Variants in GDAP1 observed in about 807,000 individuals in gnomAD.
GDAP1 encodes ganglioside induced differentiation associated protein 1, also known as ganglioside-induced differentiation-associated protein 1.
GDAP1 carries 34 observed loss-of-function variants against 40.1 expected under a neutral mutation model. That is an observed-to-expected ratio of 0.85 (90% CI 0.64 to 1.13). GDAP1 has a LOEUF of 1.13. Among genes scored for constraint, GDAP1 ranks in the 50% most tolerant of loss-of-function variants. The pLI, the probability that GDAP1 is intolerant of heterozygous loss-of-function variation, is 0.00. For synonymous variants in GDAP1, 170 were observed against 157.4 expected (o/e 1.08, Z -0.60); for missense variants, 374 against 433.7 (o/e 0.86, Z 1.22).
chr8:74,364,995 A>C lies in GDAP1; in HGVS notation c.*628A>C, dbSNP rs773816979. The C allele has an allele frequency of 2.9e-5, 13 of 454,014 alleles. No homozygotes were observed. Among genetic ancestry groups the C allele is most frequent in the African/African-American group, 2.6e-4 (13 of 50,022 alleles). The allele number at this position is 454,014 out of a possible 1,614,324, so 28.1% of individuals were successfully genotyped here. On this transcript the variant is annotated 3_prime_UTR_variant, in exon 6 of 6. Transcript: ENST00000220822. ...CCATTTCAGATGGTCCGCAATTTGA[A>C]TTACCAAGTGGTAATGGTTCCTTAC...
At chr8:74,486,880 A>G (rs1806782510) in intron 2 of GDAP1, among the ~76,000 whole-genome samples, 1 of 152,140 alleles carries the variant, frequency 6.6e-6, no homozygotes, top group African/African-American at 2.4e-5. Context: ...TTTCATTGTG[A>G]ATTATGTCAG....
At chr8:74,369,766 CATT>C (rs1260670121), downstream of GDAP1, among the ~76,000 whole-genome samples, 1 of 151,528 alleles carries the variant, frequency 6.6e-6, no homozygotes, top group Non-Finnish European at 1.5e-5. Flanking sequence ...GTAGGCATAT[CATT>C]GTCAGACCGC....
At chr8:74,371,773 TA>T (rs1239381655), downstream of GDAP1, among the ~76,000 whole-genome samples, 1 of 116,990 alleles carries the variant, frequency 8.5e-6, no homozygotes, top group Non-Finnish European at 2.0e-5. Context: ...AAAAATTTTT[TA>T]TTTTTTTTTA....
At chr8:74,400,852 C>G (rs10091719) in intron 2 of GDAP1, among the ~76,000 whole-genome samples, 1 of 146,658 alleles carries the variant, frequency 6.8e-6, no homozygotes, top group Non-Finnish European at 1.5e-5. Flanking sequence ...GTTGAAAATT[C>G]TTTTCTTTAA....
chr8:74,470,520 T>TG (rs1400781203), intron 2 of GDAP1, among the ~76,000 whole-genome samples: 10 of 152,180 alleles, frequency 6.6e-5, no homozygotes, highest in African/African-American at 2.4e-4. Flanking sequence ...TTTTTGTCCT[T>TG]GCGATAGTTT....
chr8:74,353,662 G>T (rs1051974709), intron 2 of GDAP1, among the ~76,000 whole-genome samples: 5 of 152,130 alleles, frequency 3.3e-5, no homozygotes, highest in African/African-American at 9.7e-5. Context: ...AGCAGCATTG[G>T]TGTCACCTGG....
chr8:74,432,614 C>T (rs1181471915), intron 2 of GDAP1, among the ~76,000 whole-genome samples: 1 of 152,150 alleles, frequency 6.6e-6, no homozygotes, highest in Non-Finnish European at 1.5e-5. Context: ...CTTGACTGAG[C>T]TGCTCCTGTG....
intron 2 of GDAP1, among the ~76,000 whole-genome samples, chr8:74,352,097 T>C (rs4738450): frequency 0.19 from 28,606 of 152,224 alleles, 2,963 homozygotes; most frequent in Admixed American, 0.31. Context: ...ATTCCCATTA[T>C]GTAAATGAGG....
In GDAP1 at chr8:74,440,446, C is replaced by T. The variant is rs187711559; in HGVS notation, c.166-48232C>T. 3.3e-5 allele frequency among the ~76,000 whole-genome samples: 5 copies of T among 152,216 alleles called. No individual in the cohort carries two copies. In the East Asian group the frequency reaches 5.8e-4, roughly 18 times the overall value. ...TTCTCTGAAGGTATATCTCTTCCACCGTGAGTTCCTGATTTGCACTAAGGA... is the reference window on the plus strand; with the variant it reads ...TTCTCTGAAGGTATATCTCTTCCACTGTGAGTTCCTGATTTGCACTAAGGA... On this transcript the variant is annotated intron_variant, in intron 2 of 2. Transcript: ENST00000523640.
chr8:74,418,626 G>A (rs763159058), intron 2 of GDAP1, among the ~76,000 whole-genome samples: 37 of 152,262 alleles, frequency 2.4e-4, no homozygotes, highest in Admixed American at 1.5e-3. Flanking sequence ...AGAAATCTTA[G>A]GCATGACACT....
intron 2 of GDAP1, among the ~76,000 whole-genome samples, chr8:74,378,914 T>C (rs942494238): frequency 6.6e-6 from 1 of 151,882 alleles, no homozygotes; most frequent in Non-Finnish European, 1.5e-5. Flanking sequence ...TAGGGAAGAG[T>C]TGCTTATAGG....
intron 2 of GDAP1, among the ~76,000 whole-genome samples, chr8:74,419,201 T>C (rs778829516): frequency 6.6e-6 from 1 of 152,180 alleles, no homozygotes; most frequent in Non-Finnish European, 1.5e-5. Context: ...AAACAAAAAC[T>C]TGTGTTCACA....
Position 74,401,015 on chromosome 8 carries a change from C to G in GDAP1, c.165+49694C>G, listed in dbSNP as rs1394260142. Reference sequence around the variant, plus strand: ...TTCCTTCATTTCAACTTTGGTGAATCTGACAATTATGTGTCTTGGGGTTGC... The same window carrying G: ...TTCCTTCATTTCAACTTTGGTGAATGTGACAATTATGTGTCTTGGGGTTGC... On this transcript the variant is annotated intron_variant, in intron 2 of 2. Coordinates refer to the GDAP1 transcript ENST00000523640. Among the ~76,000 whole-genome samples the G allele has an allele frequency of 3.3e-5, 5 of 149,542 alleles. 2 individuals are homozygous for G. Among genetic ancestry groups the G allele is most frequent in the African/African-American group, 1.3e-4 (5 of 38,886 alleles).
At position 74,440,257 on chromosome 8, in the gene GDAP1, G is replaced by A. The variant is rs575275972; in HGVS notation, c.166-48421G>A. On this transcript the variant is annotated intron_variant, in intron 2 of 2. Coordinates refer to the GDAP1 transcript ENST00000523640. The stretch of plus-strand genomic sequence containing the variant: ...ACTAAGTCTGGAGGATTCCTTAGCC[G>A]CACATGAATAGTGTAAATTTAAACC... Among the ~76,000 whole-genome samples, 39 of 152,160 alleles carry A rather than the reference G, an allele frequency of 2.6e-4. No homozygotes were observed. In the South Asian group the frequency reaches 5.6e-3, roughly 22 times the overall value.
At chr8:74,403,349 G>A (rs1350860477) in intron 2 of GDAP1, among the ~76,000 whole-genome samples, 1 of 150,010 alleles carries the variant, frequency 6.7e-6, no homozygotes, top group Admixed American at 6.6e-5. Flanking sequence ...TAGAAGAAGA[G>A]GGGATTGCAA....
intron 2 of GDAP1, among the ~76,000 whole-genome samples, chr8:74,437,735 T>C (rs1806110559): frequency 6.6e-6 from 1 of 152,198 alleles, no homozygotes; most frequent in Non-Finnish European, 1.5e-5. Context: ...CAACATTATA[T>C]TTTAGAGATT....
At chr8:74,362,784 C>CTCTTTTTTTTT (rs1300148699) in intron 4 of GDAP1, among the ~76,000 whole-genome samples, 155 bp from the exon 5 acceptor site, 2 of 60,456 alleles carry the variant, frequency 3.3e-5, no homozygotes, top group Non-Finnish European at 6.2e-5. Flanking sequence ...CTCTCTCTCT[C>CTCTTTTTTTTT]TTTTTTTTTT....
chr8:74,388,184 T>G (rs1233371552), intron 2 of GDAP1, among the ~76,000 whole-genome samples: 3 of 152,180 alleles, frequency 2.0e-5, no homozygotes, highest in African/African-American at 7.2e-5. Context: ...CTCATTCAGT[T>G]CTGCTCTGAT....
At chr8:74,422,398 T>C (rs983784322) in intron 2 of GDAP1, among the ~76,000 whole-genome samples, 41 of 135,740 alleles carry the variant, frequency 3.0e-4, no homozygotes, top group South Asian at 9.8e-4. Flanking sequence ...TCCTTCCTTC[T>C]GTCTCTCTCT....
Sources: allele counts gnomAD v4.1 joint callset (sites outside exome capture counted in the v4.1 genomes callset), GRCh38; gene constraint gnomAD v4.1.1; transcripts MANE v1.5; gene names NCBI Gene and HGNC (gene_info 2026-07-23, HGNC 2026-07-21).